The following UNC13A variants were observed in gnomAD, a reference collection of about 807,000 sequenced individuals.
UNC13A encodes the protein unc-13 homolog A.
In UNC13A, 61 loss-of-function variants were observed where a neutral mutation model predicts 219.7. The observed-to-expected ratio is 0.28, with a 90% CI of 0.23 to 0.34. The LOEUF (loss-of-function observed/expected upper bound fraction) is 0.34, where lower values mean the gene tolerates loss of function less well. Among genes scored for constraint, UNC13A ranks in the 10% least tolerant of loss-of-function variants. UNC13A has a pLI of 1.00. For missense variants in UNC13A, 1,476 were observed against 2,270.3 expected (o/e 0.65, Z 7.11); for synonymous variants, 920 against 884.6 (o/e 1.04, Z -0.71).
In UNC13A at chr19:17,630,169, C is replaced by A. The variant is rs1415516826; in HGVS notation, c.3645G>T (p.Gly1215=). ...KLECPDPQIV[G]HYMRRFAKTI... ...CCTTGGCAAAGCGCCTCATGTAGTG[C>A]CCCACGATCTGAGGGTCGGGACACT... Residue 1215 remains glycine, a synonymous_variant, in exon 30 of 44, where the codon GGG becomes GGT. Coordinates refer to ENST00000519716, the MANE Select transcript of UNC13A (RefSeq NM_001080421.3). 6.4e-7 allele frequency: 1 copy of A among 1,552,058 alleles called. No homozygotes were observed. The highest frequency in any genetic ancestry group is 2.0e-5 in the Admixed American group (1 of 51,002).
In UNC13A at chr19:17,660,656, C is replaced by T. The variant is rs534300956; in HGVS notation, c.560-2387G>A. 2.4e-4 allele frequency among the ~76,000 whole-genome samples: 37 copies of T among 151,836 alleles called. No individual in the cohort carries two copies. The South Asian group carries it at 7.1e-3, about 29-fold the overall frequency. ...AAATGATTCTCCTGCCTCAGCCTCC[C>T]GAGTAGCTGGGATTAAAGGCATGCA... On this transcript the variant is annotated intron_variant, in intron 8 of 43. Coordinates refer to ENST00000519716, the MANE Select transcript of UNC13A (RefSeq NM_001080421.3).
Position 17,647,208 on chromosome 19 carries a change from A to C in UNC13A, c.2044+57T>G, listed in dbSNP as rs78846142. 3,453 of 1,478,852 alleles carry C rather than the reference A, an allele frequency of 2.3e-3. 89 individuals are homozygous for C. In the African/African-American group the frequency reaches 0.043, roughly 18 times the overall value. 91.6% of individuals were successfully genotyped at this position (1,478,852 alleles called of 1,614,324 possible). ...GGACCAGGCCATGGGACAGGGCATG[A>C]GACAGGTCTCAGAGGGTGGAGAAGG... On this transcript the variant is annotated intron_variant, in intron 17 of 43. Transcript: ENST00000519716.
rs766410278 is a variant in UNC13A, at chr19:17,668,207, G to C, written c.395-17C>G. On this transcript the variant is annotated splice_polypyrimidine_tract_variant and intron_variant, in intron 5 of 43. Transcript: ENST00000519716. ...CAGGAATGTCTGCAAGCAGAGCCCT[G>C]TCTGTGAGCCTGGAAGACCCTCCCT... is the stretch of plus-strand genomic sequence containing the variant. 1.9e-6 allele frequency: 3 copies of C among 1,611,100 alleles called. No individual in the cohort carries two copies. Among genetic ancestry groups the C allele is most frequent in the Non-Finnish European group, 2.5e-6 (3 of 1,178,706 alleles).
chr19:17,644,753 G>A (rs2077007385), intron 19 of UNC13A, among the ~76,000 whole-genome samples: 1 of 151,948 alleles, frequency 6.6e-6, no homozygotes, highest in Non-Finnish European at 1.5e-5. Flanking sequence ...GTGCAGCAGT[G>A]TGATCACAGC....
At position 17,611,688 on chromosome 19, in the gene UNC13A, G is replaced by A. The variant is rs559998353; in HGVS notation, c.4651+75C>T. 37 of 1,335,148 alleles carry A rather than the reference G, an allele frequency of 2.8e-5. 2 individuals carry two copies. In the South Asian group the frequency reaches 4.0e-4, roughly 14 times the overall value. 82.7% of individuals were successfully genotyped at this position (1,335,148 alleles called of 1,614,324 possible). A position where few individuals can be genotyped will look rare whatever the true frequency, so the allele number is the denominator to read the frequency against. The stretch of plus-strand genomic sequence containing the variant: ...CATTAAACAACAACAACAAAAAAAG[G>A]GTGTTGCTTAAGCCAGTTTGAGTTT... On this transcript the variant is annotated intron_variant, in intron 42 of 43. Coordinates refer to ENST00000519716, the MANE Select transcript of UNC13A (RefSeq NM_001080421.3).
chr19:17,617,514 C>T (rs2076679188), intron 41 of UNC13A, among the ~76,000 whole-genome samples, 188 bp downstream of exon 41: 5 of 152,176 alleles, frequency 3.3e-5, no homozygotes, highest in Admixed American at 2.6e-4. Flanking sequence ...CACCTCCAGG[C>T]CTGTGACGTC....
At chr19:17,635,951 C>T in intron 26 of UNC13A, 73 bp downstream of exon 26, 4 of 1,504,730 alleles carry the variant, frequency 2.7e-6, no homozygotes, top group Non-Finnish European at 2.7e-6. Context: ...ATCATCTTGA[C>T]ACACAAGACA....
chr19:17,606,104 T>G lies in UNC13A; in HGVS notation c.5062A>C (p.Lys1688Gln). The G allele has an allele frequency of 6.3e-7, 1 of 1,596,130 alleles. No individual in the cohort carries two copies. Among genetic ancestry groups the G allele is most frequent in the Non-Finnish European group, 8.5e-7 (1 of 1,173,504 alleles). The change falls in exon 44 of 44, where the codon AAG becomes CAG. Residue 1688 changes from lysine (K) to glutamine (Q), a missense_variant. Transcript: ENST00000519716. Reference sequence around the variant, plus strand: ...TCCTCGGCGGAGCGCGTGTCCGACTTGAGCTTCACGAACTCCTTGGCCACC... The same window carrying G: ...TCCTCGGCGGAGCGCGTGTCCGACTGGAGCTTCACGAACTCCTTGGCCACC... The part of the protein sequence containing the change: ...DEVAKEFVKL[K>Q]SDTRSAEEGG...
chr19:17,641,622 G>T, intron 20 of UNC13A, 66 bp from the exon 21 acceptor site: 1 of 1,524,514 alleles, frequency 6.6e-7, no homozygotes, highest in South Asian at 1.2e-5. Context: ...GAGGTCCCAG[G>T]GTCTGGGGCA....
At chr19:17,662,073 C>G (rs1450631023) in intron 8 of UNC13A, among the ~76,000 whole-genome samples, 1 of 152,046 alleles carries the variant, frequency 6.6e-6, no homozygotes, top group Non-Finnish European at 1.5e-5. Context: ...GAAACCCCAT[C>G]TCTACTAAAA....
At chr19:17,623,723 C>T (rs1454926865) in intron 35 of UNC13A, among the ~76,000 whole-genome samples, 176 bp from the exon 36 acceptor site, 1 of 152,120 alleles carries the variant, frequency 6.6e-6, no homozygotes, top group East Asian at 1.9e-4. Context: ...ACCATCGTCG[C>T]CCATCTATGG....
At chr19:17,608,352 A>AT (rs2076558483) in intron 43 of UNC13A, among the ~76,000 whole-genome samples, 1 of 117,008 alleles carries the variant, frequency 8.5e-6, no homozygotes, top group Admixed American at 1.1e-4. Context: ...AATTTTATAT[A>AT]TAATATAAAT....
In UNC13A at chr19:17,618,476, T is replaced by C. The variant is rs746598733; in HGVS notation, c.4355A>G (p.Lys1452Arg). Residue 1452 changes from lysine (K) to arginine (R), a missense_variant, in exon 40 of 44, where the codon AAG becomes AGG. By Grantham distance (26) the Lys-to-Arg change is conservative. Coordinates refer to ENST00000519716, the MANE Select transcript of UNC13A (RefSeq NM_001080421.3). ...CGCGCACTGCTTTGGGGTCAAGCTC[T>C]TGGCTTCTTCTCGTACCATGTGATC... Reference protein sequence around the residue: ...LKDHMVREEAKSLTPKQCAVV... With the variant: ...LKDHMVREEARSLTPKQCAVV... 3.8e-6 allele frequency: 6 copies of C among 1,593,746 alleles called. No individual in the cohort carries two copies. The South Asian group carries it at 5.7e-5, about 15-fold the overall frequency.
intron 43 of UNC13A, among the ~76,000 whole-genome samples, chr19:17,606,950 C>T (rs2076538158): frequency 6.6e-6 from 1 of 152,308 alleles, no homozygotes; most frequent in South Asian, 2.1e-4. Context: ...GCCCTGACGC[C>T]AGCTGGATAA....
intron 27 of UNC13A, 68 bp from the exon 28 acceptor site, chr19:17,632,976 G>A: frequency 6.2e-7 from 1 of 1,610,030 alleles, no homozygotes; most frequent in East Asian, 2.2e-5. Flanking sequence ...CAGAGAGGCT[G>A]CCTACTCTGG....
intron 1 of UNC13A, 155 bp from the exon 2 acceptor site, chr19:17,676,196 A>T (rs1411964038): frequency 6.0e-6 from 5 of 827,616 alleles, no homozygotes; most frequent in Admixed American, 2.0e-5. Context: ...AAAGAGACAG[A>T]TGTTAAAAAA....
At chr19:17,648,296 G>C in intron 16 of UNC13A, 135 bp downstream of exon 16, 1 of 686,724 alleles carries the variant, frequency 1.5e-6, no homozygotes, top group Non-Finnish European at 1.9e-6. Context: ...TCCCTCCCCT[G>C]CCTCACGACG....
intron 1 of UNC13A, among the ~76,000 whole-genome samples, chr19:17,684,809 G>C (rs1368211178): frequency 6.6e-6 from 1 of 152,242 alleles, no homozygotes; most frequent in East Asian, 1.9e-4. Context: ...TTAAGTGCAG[G>C]TGGGAGTCTG....
chr19:17,646,260 GTTTT>G (rs1171602419), intron 17 of UNC13A, 149 bp from the exon 18 acceptor site: 7 of 910,434 alleles, frequency 7.7e-6, no homozygotes, highest in Non-Finnish European at 1.1e-5. Flanking sequence ...TGCCAGAGAG[GTTTT>G]TTGTGTGTTT....
Sources: allele counts gnomAD v4.1 joint callset (sites outside exome capture counted in the v4.1 genomes callset), GRCh38; gene constraint gnomAD v4.1.1; transcripts MANE v1.5; gene names NCBI Gene and HGNC (gene_info 2026-07-23, HGNC 2026-07-21).